EPM2A: variants seen among roughly 807,000 people sequenced by gnomAD.
EPM2A encodes EPM2A glucan phosphatase, laforin.
In EPM2A, 21 loss-of-function variants were observed where a neutral mutation model predicts 26.5. That is an observed-to-expected ratio of 0.79 (90% CI 0.56 to 1.14). The LOEUF (loss-of-function observed/expected upper bound fraction) is 1.14. EPM2A is among the 50% of genes most tolerant of loss of function. The pLI is 0.00. For synonymous variants in EPM2A, 217 were observed against 177.6 expected, an observed-to-expected ratio of 1.22 and a Z score of -1.76; for missense variants, 458 against 440.8, an observed-to-expected ratio of 1.04 and a Z score of -0.35.
intron 1 of EPM2A, among the ~76,000 whole-genome samples, chr6:145,707,039 GAAAC>G (rs1782260152): frequency 1.3e-5 from 2 of 152,090 alleles, no homozygotes; most frequent in Non-Finnish European, 2.9e-5. Flanking sequence ...TATTATTTTG[GAAAC>G]AAAGAGAAAG....
intron 2 of EPM2A, among the ~76,000 whole-genome samples, chr6:145,667,040 A>G (rs1328729730): frequency 7.6e-6 from 1 of 131,030 alleles, no homozygotes; most frequent in Non-Finnish European, 1.5e-5. Context: ...TTTAAATGTT[A>G]GACCTAAAAC....
Position 145,656,632 on chromosome 6 carries a change from C to T in EPM2A, c.477-21146G>A, listed in dbSNP as rs187994984. On this transcript the variant is annotated intron_variant, in intron 2 of 3. Transcript: ENST00000367519. ...GGTGGCATTAGAGAGAGGGCTTGAT[C>T]AATATCAGGTTTTGGCAACATGATG... is the stretch of plus-strand genomic sequence containing the variant. Among the ~76,000 whole-genome samples the T allele has an allele frequency of 3.3e-3, 501 of 152,252 alleles. 5 individuals carry two copies. Among genetic ancestry groups the T allele is most frequent in the Non-Finnish European group, 3.1e-3 (211 of 68,022 alleles).
intron 4 of EPM2A, among the ~76,000 whole-genome samples, chr6:145,488,518 T>TGAGAGAGAGAGAGA (rs1434961412): frequency 1.4e-4 from 18 of 131,082 alleles, no homozygotes; most frequent in African/African-American, 4.3e-4. Context: ...TGTGTGTGTG[T>TGAGAGAGAGAGAGA]GTGTGAGAGA....
At chr6:145,604,084 G>T (rs1781452323) in intron 2 of EPM2A, among the ~76,000 whole-genome samples, 1 of 152,066 alleles carries the variant, frequency 6.6e-6, no homozygotes, top group African/African-American at 2.4e-5. Flanking sequence ...ATGAAAATGT[G>T]TTTATTATTT....
intron 2 of EPM2A, among the ~76,000 whole-genome samples, chr6:145,535,498 G>C (rs768331723): frequency 6.6e-6 from 1 of 152,126 alleles, no homozygotes; most frequent in Admixed American, 6.6e-5. Flanking sequence ...GAGCTGCCAC[G>C]GTTGAGAACC....
chr6:145,623,943 T>C (rs998334645), downstream of EPM2A, among the ~76,000 whole-genome samples: 40 of 152,198 alleles, frequency 2.6e-4, no homozygotes, highest in African/African-American at 9.7e-4. Flanking sequence ...CAGCTGCAAG[T>C]GTATTTCCAT....
At chr6:145,635,203 C>A (rs1406798056) in intron 3 of EPM2A, 42 bp downstream of exon 3, 1 of 1,612,762 alleles carries the variant, frequency 6.2e-7, no homozygotes, top group Admixed American at 1.7e-5. Context: ...GCAAGGGTTT[C>A]TCTGAAATAC....
At chr6:145,551,010 C>T (rs923542954) in intron 2 of EPM2A, among the ~76,000 whole-genome samples, 12 of 152,028 alleles carry the variant, frequency 7.9e-5, no homozygotes, top group South Asian at 2.1e-4. Context: ...AACTGTACAG[C>T]GAATAAGGTC....
At chr6:145,482,279 C>A (rs1288428994) in intron 4 of EPM2A, among the ~76,000 whole-genome samples, 1 of 152,220 alleles carries the variant, frequency 6.6e-6, no homozygotes, top group Admixed American at 6.5e-5. Flanking sequence ...CCAGCTTTAA[C>A]ACTAAGGCTT....
chr6:145,537,367 G>T (rs972504633), intron 2 of EPM2A, among the ~76,000 whole-genome samples: 2 of 152,128 alleles, frequency 1.3e-5, no homozygotes, highest in East Asian at 3.9e-4. Context: ...GTGCTTTCCA[G>T]CCTGTCTCAC....
chr6:145,693,231 T>C (rs894816041), intron 1 of EPM2A, among the ~76,000 whole-genome samples: 3 of 152,058 alleles, frequency 2.0e-5, no homozygotes. Flanking sequence ...TGTTGGTATA[T>C]AGAAATGCTA....
At chr6:145,471,624 C>A (rs1315431153) in intron 4 of EPM2A, among the ~76,000 whole-genome samples, 2 of 152,134 alleles carry the variant, frequency 1.3e-5, no homozygotes, top group African/African-American at 2.4e-5. Context: ...TGGCGGAGAA[C>A]ACAGCAATTC....
At chr6:145,497,121 T>A (rs982682757), downstream of EPM2A, among the ~76,000 whole-genome samples, 5 of 152,192 alleles carry the variant, frequency 3.3e-5, no homozygotes, top group Non-Finnish European at 7.3e-5. Context: ...ATGTGGTCAT[T>A]TGAAGGAAAG....
chr6:145,707,165 C>T (rs746651004), intron 1 of EPM2A, among the ~76,000 whole-genome samples: 2 of 152,182 alleles, frequency 1.3e-5, no homozygotes, highest in African/African-American at 2.4e-5. Context: ...TTTGTTATAG[C>T]AGCCTGAAAA....
At chr6:145,713,370 G>A (rs947740574) in intron 1 of EPM2A, among the ~76,000 whole-genome samples, 1 of 152,142 alleles carries the variant, frequency 6.6e-6, no homozygotes, top group Admixed American at 6.6e-5. Flanking sequence ...TAAGCCCACT[G>A]AAAATGGGCA....
chr6:145,397,537 A>G (rs775812345), intron 4 of EPM2A, among the ~76,000 whole-genome samples: 2 of 152,152 alleles, frequency 1.3e-5, no homozygotes, highest in African/African-American at 4.8e-5. Context: ...TACAGGGGGA[A>G]CTCCCAGCTT....
At chr6:145,524,948 T>G (rs766699867) in intron 2 of EPM2A, among the ~76,000 whole-genome samples, 2 of 152,168 alleles carry the variant, frequency 1.3e-5, no homozygotes, top group Non-Finnish European at 2.9e-5. Flanking sequence ...TTTTTGTATA[T>G]GGTGAAAGTT....
chr6:145,446,017 C>A (rs1018407529), intron 4 of EPM2A, among the ~76,000 whole-genome samples: 6 of 152,248 alleles, frequency 3.9e-5, no homozygotes, highest in Non-Finnish European at 7.4e-5. Flanking sequence ...ACTGAGAGAA[C>A]AATGGTAGAG....
At chr6:145,486,760 T>C (rs1470621104) in intron 4 of EPM2A, among the ~76,000 whole-genome samples, 1 of 152,186 alleles carries the variant, frequency 6.6e-6, no homozygotes, top group Non-Finnish European at 1.5e-5. Flanking sequence ...TTCTGGCAAA[T>C]GAAAGAATCC....
Sources: gnomAD v4.1 joint callset for allele counts (sites outside exome capture counted in the v4.1 genomes callset) on GRCh38, gnomAD v4.1.1 for gene constraint, MANE v1.5 for transcripts, NCBI Gene and HGNC (gene_info 2026-07-23, HGNC 2026-07-21) for gene names.